The following ZDHHC11B variants were observed in gnomAD, a reference collection of about 807,000 sequenced individuals.
ZDHHC11B encodes the protein zDHHC palmitoyltransferase 11B (putative), also known as probable palmitoyltransferase ZDHHC11B.
Under a neutral mutation model 42.3 loss-of-function variants are expected in ZDHHC11B, and 17 were observed. The observed-to-expected ratio is 0.40, with a 90% CI of 0.27 to 0.60. The LOEUF is 0.60. Among genes scored for constraint, ZDHHC11B ranks in the 20% least tolerant of loss-of-function variants. The pLI, the probability that ZDHHC11B is intolerant of heterozygous loss-of-function variation, is 0.41. For synonymous variants in ZDHHC11B, 123 were observed against 193.5 expected (o/e 0.64, Z 3.02); for missense variants, 262 against 463.2 (o/e 0.57, Z 3.99).
Position 750,358 on chromosome 5 carries a change from G to A in ZDHHC11B, c.628+775C>T, listed in dbSNP as rs1282436466. ...CAGGGAGGTCCTCCCACCTCTGCGA[G>A]CTCCTGTGGCTCCGGGCGACCCCGG... On this transcript the variant is annotated intron_variant, in intron 7 of 13. Coordinates refer to ENST00000508859, the MANE Select transcript of ZDHHC11B (RefSeq NM_001351303.2). Among the ~76,000 whole-genome samples the A allele has an allele frequency of 1.3e-4, 18 of 135,724 alleles. 3 individuals carry two copies. The highest frequency in any genetic ancestry group is 5.2e-4 in the Admixed American group (7 of 13,456). 89.0% of individuals were successfully genotyped at this position (135,724 alleles called of 152,430 possible).
intron 1 of ZDHHC11B, among the ~76,000 whole-genome samples, chr5:780,987 G>A (rs1278782785): frequency 6.8e-6 from 1 of 147,358 alleles, no homozygotes; most frequent in Non-Finnish European, 1.5e-5. Context: ...GCGGTGCCCT[G>A]GGCTCAGGGG....
intron 8 of ZDHHC11B, among the ~76,000 whole-genome samples, chr5:746,529 G>A (rs1579323992): frequency 7.5e-6 from 1 of 133,266 alleles, no homozygotes; most frequent in African/African-American, 2.5e-5. Flanking sequence ...TGGGCTTTGC[G>A]TTCAAGAAGC....
rs115378648 is a variant in ZDHHC11B at position 741,023 on chromosome 5, T to G, written c.935+571A>C. Among the ~76,000 whole-genome samples, 267 of 109,726 alleles carry G rather than the reference T, an allele frequency of 2.4e-3. 4 individuals carry two copies. Among genetic ancestry groups the G allele is most frequent in the African/African-American group, 7.4e-3 (260 of 35,304 alleles). 72.0% of individuals were successfully genotyped at this position (109,726 alleles called of 152,430 possible). A position where few individuals can be genotyped will look rare whatever the true frequency, so the allele number is the denominator to read the frequency against. ...TTTTGAGAAGTCATCAGAGAGTCTG[T>G]GAAGATTGAAAATGCGCGTGCCCTT... On this transcript the variant is annotated intron_variant, in intron 10 of 13. Coordinates refer to ENST00000508859, the MANE Select transcript of ZDHHC11B (RefSeq NM_001351303.2).
intron 4 of ZDHHC11B, among the ~76,000 whole-genome samples, chr5:760,218 A>AT (rs1734416971): frequency 6.6e-6 from 1 of 151,816 alleles, no homozygotes; most frequent in Non-Finnish European, 1.5e-5. Context: ...GGTCGACTCG[A>AT]TCCCCCACAT....
chr5:749,045 G>A (rs1357034398), intron 7 of ZDHHC11B, among the ~76,000 whole-genome samples: 14 of 98,498 alleles, frequency 1.4e-4, no homozygotes, highest in African/African-American at 4.8e-4. Context: ...CTCACTAAGT[G>A]CCAGGGTCAC....
intron 4 of ZDHHC11B, among the ~76,000 whole-genome samples, chr5:761,210 C>G (rs1366433711): frequency 6.6e-6 from 1 of 151,884 alleles, no homozygotes; most frequent in Non-Finnish European, 1.5e-5. Flanking sequence ...AGGTGCAATA[C>G]AGGAGGACAC....
intron 6 of ZDHHC11B, among the ~76,000 whole-genome samples, chr5:751,734 C>T (rs1177842438): frequency 1.6e-5 from 2 of 127,870 alleles, no homozygotes; most frequent in Non-Finnish European, 3.5e-5. Flanking sequence ...TGTCTCTGTG[C>T]CATCCTGTGA....
chr5:766,654 C>G (rs1352762414), intron 4 of ZDHHC11B, 44 bp downstream of exon 4: 1 of 1,556,074 alleles, frequency 6.4e-7, no homozygotes, highest in African/African-American at 1.4e-5. Context: ...CAGGGTCCTC[C>G]AGGAACCCCT....
chr5:721,183 G>A (rs1341409460), intron 12 of ZDHHC11B, among the ~76,000 whole-genome samples: 1 of 151,220 alleles, frequency 6.6e-6, no homozygotes, highest in African/African-American at 2.4e-5. Flanking sequence ...ATAACCACTA[G>A]GAAGATAATT....
rs1297146614 is a variant in ZDHHC11B at position 766,189 on chromosome 5, G to A, written c.222+509C>T. 1.3e-5 allele frequency among the ~76,000 whole-genome samples: 2 copies of A among 151,846 alleles called. 1 individual carries two copies. The highest frequency in any genetic ancestry group is 2.9e-5 in the Non-Finnish European group (2 of 67,912). On this transcript the variant is annotated intron_variant, in intron 4 of 13. Coordinates refer to ENST00000508859, the MANE Select transcript of ZDHHC11B (RefSeq NM_001351303.2). Reference sequence around the variant, plus strand: ...CACCCGCTGGAAGATGATGGGAGCAGACATGAGTCCCCGCCTGATGGGAGG... The same window carrying A: ...CACCCGCTGGAAGATGATGGGAGCAAACATGAGTCCCCGCCTGATGGGAGG...
intron 4 of ZDHHC11B, among the ~76,000 whole-genome samples, chr5:765,656 T>C (rs2150215646): frequency 6.6e-6 from 1 of 152,010 alleles, no homozygotes; most frequent in South Asian, 2.1e-4. Flanking sequence ...TTGCAATACA[T>C]CTTGCTGCTG....
intron 1 of ZDHHC11B, among the ~76,000 whole-genome samples, chr5:776,547 T>C (rs1736504356): frequency 6.6e-6 from 1 of 151,930 alleles, no homozygotes; most frequent in African/African-American, 2.4e-5. Context: ...GGCCTCAAAC[T>C]GCCCACTGGG....
In ZDHHC11B at chr5:776,066, C is replaced by T. The variant is rs183458088; in HGVS notation, c.-229-7136G>A. On this transcript the variant is annotated intron_variant, in intron 1 of 13. Coordinates refer to ENST00000508859, the MANE Select transcript of ZDHHC11B (RefSeq NM_001351303.2). ...GTACTGCCGCTGGGCTCTTCAGAAC[C>T]TTTACGCCCAAGTCCTGTCCAGGGG... Among the ~76,000 whole-genome samples the T allele has an allele frequency of 9.3e-5, 14 of 150,174 alleles. No individual in the cohort carries two copies. The East Asian group carries it at 2.5e-3, about 27-fold the overall frequency.
intron 1 of ZDHHC11B, among the ~76,000 whole-genome samples, chr5:777,683 C>A (rs1374553277): frequency 6.6e-6 from 1 of 151,936 alleles, no homozygotes; most frequent in Middle Eastern, 3.2e-3. Flanking sequence ...TGACAGAGTG[C>A]TGATTGGTGC....
In ZDHHC11B at chr5:745,041, TCA is replaced by T; in HGVS notation, c.900+140_900+141del. On this transcript the variant is annotated intron_variant, in intron 9 of 13. Transcript: ENST00000508859. ...CATAGACACACCCATGCACAGAGCC[TCA>T]CACACAGACACACACACAGCAGAGT... 1.2e-5 allele frequency: 11 copies of T among 895,628 alleles called. 1 individual carries two copies. In the South Asian group the frequency reaches 1.5e-4, roughly 12 times the overall value. The allele number at this position is 895,628 out of a possible 1,614,324, so 55.5% of individuals were successfully genotyped here. A position where few individuals can be genotyped will look rare whatever the true frequency, so the allele number is the denominator to read the frequency against.
intron 4 of ZDHHC11B, among the ~76,000 whole-genome samples, chr5:760,530 G>A (rs1362840576): frequency 2.0e-5 from 3 of 151,680 alleles, no homozygotes; most frequent in Non-Finnish European, 2.9e-5. Flanking sequence ...AGATATGTCT[G>A]CTGTTGCAGG....
At chr5:784,431 G>C (rs1737103355) in intron 1 of ZDHHC11B, among the ~76,000 whole-genome samples, 1 of 152,192 alleles carries the variant, frequency 6.6e-6, no homozygotes, top group Non-Finnish European at 1.5e-5. Context: ...GGTGACCCCC[G>C]CTCGCGGCCT....
chr5:743,890 C>A (rs6555452), intron 9 of ZDHHC11B, among the ~76,000 whole-genome samples: 62,946 of 147,536 alleles, frequency 0.43, 10,762 homozygotes, highest in African/African-American at 0.53. Flanking sequence ...AATGTGACTG[C>A]AATGTCAGAA....
intron 1 of ZDHHC11B, among the ~76,000 whole-genome samples, chr5:776,634 G>A (rs576844506): frequency 1.3e-5 from 2 of 151,982 alleles, no homozygotes; most frequent in East Asian, 3.9e-4. Context: ...ACAGCGACCC[G>A]AAGCCCCAGA....
Sources: allele counts gnomAD v4.1 joint callset (sites outside exome capture counted in the v4.1 genomes callset), GRCh38; gene constraint gnomAD v4.1.1; transcripts MANE v1.5; gene names NCBI Gene and HGNC (gene_info 2026-07-23, HGNC 2026-07-21).